Variants in ALG12 observed in about 807,000 individuals in gnomAD.
ALG12 encodes the protein dol-P-Man:Man(7)GlcNAc(2)-PP-Dol alpha-1,6-mannosyltransferase.
A neutral mutation model predicts 46.0 loss-of-function variants in ALG12; 36 were observed. That is an observed-to-expected ratio of 0.78 (90% CI 0.60 to 1.03). The LOEUF (loss-of-function observed/expected upper bound fraction) is 1.03, where lower values mean the gene tolerates loss of function less well. ALG12 is among the 50% of genes least tolerant of loss of function. ALG12 has a pLI of 0.00. For missense variants in ALG12, 599 were observed against 633.5 expected (o/e 0.95, Z 0.58); for synonymous variants, 326 against 291.6 (o/e 1.12, Z -1.20).
the ALG12 span, among the ~76,000 whole-genome samples, chr22:49,867,412 G>C: frequency 0.63 from 95,425 of 152,002 alleles, 35,010 homozygotes; most frequent in East Asian, 0.85. Flanking sequence ...CATCCACTGG[G>C]TCAGTTGGCT....
intron 3 of ALG12, among the ~76,000 whole-genome samples, chr22:49,912,030 C>G (rs548586743): frequency 1.1e-4 from 16 of 149,702 alleles, no homozygotes; most frequent in African/African-American, 3.0e-4. Context: ...CACGGGATCA[C>G]CCTCGGCCCC....
the ALG12 span, chr22:49,887,010 G>T: frequency 6.2e-7 from 1 of 1,614,044 alleles, no homozygotes; most frequent in South Asian, 1.1e-5. Context: ...GGCTGTCCGC[G>T]CTGGCCGTCA....
At chr22:49,883,627 G>T in the ALG12 span, 1 of 1,487,800 alleles carries the variant, frequency 6.7e-7, no homozygotes, top group South Asian at 1.5e-5. Context: ...AGTGTTTTAT[G>T]AACCTAAGAT....
chr22:49,863,413 G>A, the ALG12 span, among the ~76,000 whole-genome samples: 1 of 152,190 alleles, frequency 6.6e-6, no homozygotes, highest in Non-Finnish European at 1.5e-5. Flanking sequence ...CGGATCACGA[G>A]GTCAAGAGAT....
chr22:49,884,452 G>A, the ALG12 span: 89 of 1,614,190 alleles, frequency 5.5e-5, 4 homozygotes, highest in South Asian at 9.0e-4. Context: ...TCTCCATTAC[G>A]ATGAACCTGC....
At chr22:49,866,460 TTTC>T in the ALG12 span, among the ~76,000 whole-genome samples, 1 of 152,184 alleles carries the variant, frequency 6.6e-6, no homozygotes, top group African/African-American at 2.4e-5. Context: ...TGTTCTCCTG[TTTC>T]TTCTTTTTTA....
intron 6 of ALG12, among the ~76,000 whole-genome samples, chr22:49,908,545 A>C (rs1007119790): frequency 9.0e-5 from 13 of 144,500 alleles, no homozygotes; most frequent in Non-Finnish European, 1.5e-4. Context: ...AAAAAAAAAA[A>C]ACCAAAAAAC....
At chr22:49,909,103 G>A in intron 6 of ALG12, 141 bp downstream of exon 6, 1 of 885,612 alleles carries the variant, frequency 1.1e-6, no homozygotes, top group South Asian at 1.4e-5. Flanking sequence ...CCAGGAGCAA[G>A]TGGGAGGGAG....
the ALG12 span, among the ~76,000 whole-genome samples, chr22:49,875,418 C>CTG: frequency 6.9e-6 from 1 of 145,174 alleles, no homozygotes; most frequent in South Asian, 2.2e-4. Flanking sequence ...AATTTATTTT[C>CTG]TTTTTTTTTT....
At chr22:49,914,099 A>T (rs2060596922) in intron 1 of ALG12, among the ~76,000 whole-genome samples, 1 of 152,184 alleles carries the variant, frequency 6.6e-6, no homozygotes, top group Non-Finnish European at 1.5e-5. Flanking sequence ...CAGAACCCTG[A>T]GTCTGACCAG....
the ALG12 span, among the ~76,000 whole-genome samples, chr22:49,868,988 A>G: frequency 1.2e-3 from 188 of 150,462 alleles, 1 homozygote; most frequent in African/African-American, 4.5e-3. Flanking sequence ...GCTGGGTGTG[A>G]TGGTGTATGC....
chr22:49,891,776 G>T, the ALG12 span, among the ~76,000 whole-genome samples: 1 of 152,140 alleles, frequency 6.6e-6, no homozygotes, highest in Non-Finnish European at 1.5e-5. Flanking sequence ...TGGAGCAAAA[G>T]AATTTTGAAA....
chr22:49,883,884 C>T, the ALG12 span: 3 of 1,606,434 alleles, frequency 1.9e-6, no homozygotes, highest in Admixed American at 1.7e-5. Context: ...CGGGGAAGTA[C>T]TTGTCTGCAG....
the ALG12 span, among the ~76,000 whole-genome samples, chr22:49,881,235 G>T: frequency 6.6e-6 from 1 of 152,352 alleles, no homozygotes; most frequent in African/African-American, 2.4e-5. Flanking sequence ...TGTAATCCCA[G>T]CTACTTGGGA....
the ALG12 span, among the ~76,000 whole-genome samples, chr22:49,871,530 C>T: frequency 5.3e-5 from 8 of 151,940 alleles, no homozygotes; most frequent in Non-Finnish European, 8.8e-5. Context: ...GTCTGGTAAG[C>T]GTGCAATAGC....
the ALG12 span, among the ~76,000 whole-genome samples, chr22:49,874,717 G>T: frequency 9.7e-6 from 1 of 102,572 alleles, no homozygotes; most frequent in Non-Finnish European, 1.8e-5. Flanking sequence ...GTCTCACTCT[G>T]TCGCCAGGCT....
chr22:49,883,863 C>T, the ALG12 span: 1 of 1,607,276 alleles, frequency 6.2e-7, no homozygotes. Context: ...CGGGTTGCAG[C>T]TGCAAGCCCC....
chr22:49,867,473 T>C, the ALG12 span, among the ~76,000 whole-genome samples: 28 of 152,254 alleles, frequency 1.8e-4, no homozygotes, highest in African/African-American at 6.8e-4. Flanking sequence ...TGTCTAGTTC[T>C]GGGTGGCCTG....
At chr22:49,892,897 C>T in the ALG12 span, among the ~76,000 whole-genome samples, 3 of 152,110 alleles carry the variant, frequency 2.0e-5, no homozygotes, top group Non-Finnish European at 4.4e-5. Context: ...AATCATAAGA[C>T]AATAGAAATA....
Sources: gnomAD v4.1 joint callset for allele counts (sites outside exome capture counted in the v4.1 genomes callset) on GRCh38, gnomAD v4.1.1 for gene constraint, MANE v1.5 for transcripts, NCBI Gene and HGNC (gene_info 2026-07-23, HGNC 2026-07-21) for gene names.